The following UTRN variants were observed in gnomAD, a reference collection of about 807,000 sequenced individuals.
UTRN encodes the protein utrophin.
UTRN carries 283 observed loss-of-function variants against 463.9 expected under a neutral mutation model. The observed-to-expected ratio is 0.61, with a 90% confidence interval of 0.55 to 0.67. UTRN has a LOEUF of 0.67. UTRN is among the 30% of genes least tolerant of loss of function. UTRN has a pLI of 0.00. For synonymous variants in UTRN, 1,442 were observed against 1,431.5 expected (o/e 1.01, Z -0.17); for missense variants, 3,922 against 4,084.3 (o/e 0.96, Z 1.08).
intron 52 of UTRN, among the ~76,000 whole-genome samples, chr6:144,698,319 A>C (rs899663963): frequency 1.3e-5 from 2 of 152,328 alleles, no homozygotes; most frequent in South Asian, 4.1e-4. Context: ...CAATTGTAGC[A>C]CCTGTGGAAT....
At chr6:144,511,375 CTTAT>C (rs1190878336) in intron 35 of UTRN, among the ~76,000 whole-genome samples, 3 of 151,868 alleles carry the variant, frequency 2.0e-5, no homozygotes, top group Admixed American at 6.6e-5. Flanking sequence ...GTAAATGCAC[CTTAT>C]TTGTTTCATT....
Position 144,793,999 on chromosome 6 carries a change from T to C in UTRN, c.9078+8T>C. On this transcript the variant is annotated splice_region_variant and intron_variant, in intron 63 of 74. Coordinates refer to ENST00000367545, the MANE Select transcript of UTRN (RefSeq NM_007124.3). ...CGCAGCTGCTTCCAACAGGTAAGCA[T>C]GAAGGATCACTGGTGTGTAGGATGT... 1 of 1,613,350 alleles carries C rather than the reference T, an allele frequency of 6.2e-7. No homozygotes were observed. The highest frequency in any genetic ancestry group is 1.1e-5 in the South Asian group (1 of 91,006).
At chr6:144,685,584 G>C (rs1365196540) in intron 52 of UTRN, among the ~76,000 whole-genome samples, 3 of 152,082 alleles carry the variant, frequency 2.0e-5, no homozygotes, top group Non-Finnish European at 4.4e-5. Flanking sequence ...GTATCTCATT[G>C]TGGTTTTACC....
intron 17 of UTRN, among the ~76,000 whole-genome samples, chr6:144,449,708 C>T (rs1322440902): frequency 6.6e-6 from 1 of 152,146 alleles, no homozygotes; most frequent in African/African-American, 2.4e-5. Flanking sequence ...TCATAGTTCA[C>T]CAGAAACACT....
chr6:144,680,325 C>T (rs1323547589), intron 52 of UTRN, among the ~76,000 whole-genome samples: 4 of 152,060 alleles, frequency 2.6e-5, no homozygotes, highest in Admixed American at 2.6e-4. Flanking sequence ...CTAAGCCTAT[C>T]ATGACACATT....
At chr6:144,548,561 A>G in intron 46 of UTRN, 79 bp from the exon 47 acceptor site, 3 of 1,346,566 alleles carry the variant, frequency 2.2e-6, no homozygotes, top group East Asian at 2.4e-5. Flanking sequence ...TTAAATACAC[A>G]TACACGTGTC....
At chr6:144,608,861 T>A (rs1022077282) in intron 51 of UTRN, among the ~76,000 whole-genome samples, 2 of 152,098 alleles carry the variant, frequency 1.3e-5, no homozygotes, top group Non-Finnish European at 2.9e-5. Flanking sequence ...ACTTTTATAC[T>A]ACAAAGTAAA....
intron 15 of UTRN, 85 bp from the exon 16 acceptor site, chr6:144,447,517 G>A: frequency 6.8e-7 from 1 of 1,479,858 alleles, no homozygotes; most frequent in South Asian, 1.2e-5. Flanking sequence ...TACTATAAAA[G>A]ATACATGTTT....
At chr6:144,298,078 A>G (rs1470764593) in intron 2 of UTRN, among the ~76,000 whole-genome samples, 2 of 152,048 alleles carry the variant, frequency 1.3e-5, no homozygotes, top group Non-Finnish European at 2.9e-5. Flanking sequence ...GAGAAAGGGT[A>G]CTCTGCTGAA....
intron 69 of UTRN, among the ~76,000 whole-genome samples, chr6:144,831,370 A>G (rs1474623950): frequency 2.6e-5 from 4 of 152,166 alleles, no homozygotes. Flanking sequence ...AGACGTAGCA[A>G]TGGAGGCAGA....
intron 61 of UTRN, among the ~76,000 whole-genome samples, chr6:144,786,961 C>T (rs1776347444): frequency 6.6e-6 from 1 of 152,138 alleles, no homozygotes; most frequent in African/African-American, 2.4e-5. Context: ...TCACAGTAAG[C>T]CTTTGTAACT....
chr6:144,559,446 A>G (rs1255005170), intron 50 of UTRN, among the ~76,000 whole-genome samples: 1 of 152,080 alleles, frequency 6.6e-6, no homozygotes, highest in Admixed American at 6.6e-5. Context: ...ATGTAAAGAG[A>G]GTTTTCTCTT....
At chr6:144,587,250 G>T (rs912305348) in intron 51 of UTRN, among the ~76,000 whole-genome samples, 1 of 152,072 alleles carries the variant, frequency 6.6e-6, no homozygotes, top group African/African-American at 2.4e-5. Context: ...AGTCTTCCCC[G>T]GAATACTGTG....
chr6:144,299,061 G>A (rs993105839), intron 2 of UTRN, among the ~76,000 whole-genome samples: 10 of 152,174 alleles, frequency 6.6e-5, no homozygotes, highest in South Asian at 2.1e-4. Context: ...CAAAGGCTAC[G>A]TGTGAGTCAT....
chr6:144,642,525 C>T (rs1202594440), intron 51 of UTRN, among the ~76,000 whole-genome samples: 1 of 152,186 alleles, frequency 6.6e-6, no homozygotes, highest in Non-Finnish European at 1.5e-5. Flanking sequence ...CTCCATTCCT[C>T]CTGTTTTGTA....
At chr6:144,823,586 G>A (rs986524483) in intron 66 of UTRN, among the ~76,000 whole-genome samples, 3 of 152,142 alleles carry the variant, frequency 2.0e-5, no homozygotes, top group African/African-American at 4.8e-5. Context: ...CATGCATGGA[G>A]GAGGGGATTT....
chr6:144,380,975 T>C (rs1379475216), intron 2 of UTRN, among the ~76,000 whole-genome samples: 2 of 152,072 alleles, frequency 1.3e-5, no homozygotes, highest in Non-Finnish European at 2.9e-5. Context: ...GCAATTCCTT[T>C]CTTTTTTTCT....
chr6:144,374,935 G>C (rs1435438392), intron 2 of UTRN, among the ~76,000 whole-genome samples: 6 of 131,972 alleles, frequency 4.5e-5, no homozygotes, highest in African/African-American at 1.5e-4. Flanking sequence ...GACAGAGTGA[G>C]ACTCCATCTC....
chr6:144,300,863 C>G (rs2114531355), intron 2 of UTRN, among the ~76,000 whole-genome samples: 1 of 152,244 alleles, frequency 6.6e-6, no homozygotes, highest in East Asian at 1.9e-4. Context: ...TACCCCGAAG[C>G]AAATAGACTT....
Sources: gnomAD v4.1 joint callset for allele counts (sites outside exome capture counted in the v4.1 genomes callset) on GRCh38, gnomAD v4.1.1 for gene constraint, MANE v1.5 for transcripts, NCBI Gene and HGNC (gene_info 2026-07-23, HGNC 2026-07-21) for gene names.